PAH: variants seen among roughly 807,000 people sequenced by gnomAD.
PAH encodes the protein phenylalanine hydroxylase, also known as phenylalanine-4-hydroxylase.
Under a neutral mutation model 62.0 loss-of-function variants are expected in PAH, and 64 were observed. The observed-to-expected ratio is 1.03, with a 90% CI of 0.84 to 1.27. The LOEUF (loss-of-function observed/expected upper bound fraction) is 1.27, where lower values mean the gene tolerates loss of function less well. Among genes scored for constraint, PAH ranks in the 50% most tolerant of loss-of-function variants. The pLI is 0.00. For synonymous variants in PAH, 195 were observed against 196.2 expected, an observed-to-expected ratio of 0.99 and a Z score of 0.05; for missense variants, 579 against 542.8, an observed-to-expected ratio of 1.07 and a Z score of -0.66.
upstream of PAH, among the ~76,000 whole-genome samples, chr12:102,952,453 CAGAG>C (rs1879794459): frequency 6.6e-6 from 1 of 152,066 alleles, no homozygotes; most frequent in Non-Finnish European, 1.5e-5. Flanking sequence ...TGTGCCTAGA[CAGAG>C]AGGAGCTGGC....
Position 102,905,452 on chromosome 12 carries a change from G to A in PAH, c.168+7339C>T, listed in dbSNP as rs185503680. Among the ~76,000 whole-genome samples the A allele has an allele frequency of 3.3e-3, 497 of 152,078 alleles. 1 individual carries two copies. The highest frequency in any genetic ancestry group is 0.017 in the Middle Eastern group (5 of 294). ...TTTCAACATTCCCAGTTTAAAGATC[G>A]TTCTCTTTACAACAAAAAGAGATGC... On this transcript the variant is annotated intron_variant, in intron 2 of 12. Transcript: ENST00000553106.
chr12:102,940,990 C>G (rs964359845), intron 1 of PAH, among the ~76,000 whole-genome samples: 15 of 152,174 alleles, frequency 9.9e-5, no homozygotes, highest in African/African-American at 3.1e-4. Flanking sequence ...AGAAGCCCTA[C>G]AAACCAGAAG....
intron 2 of PAH, among the ~76,000 whole-genome samples, chr12:102,903,388 A>AAAC (rs1555208716): frequency 0.023 from 3,450 of 148,052 alleles, 140 homozygotes; most frequent in African/African-American, 0.079. Context: ...ACACACACAA[A>AAAC]AAACAAACAA....
intron 1 of PAH, among the ~76,000 whole-genome samples, chr12:102,926,151 G>A (rs187481383): frequency 6.6e-6 from 1 of 152,058 alleles, no homozygotes; most frequent in Admixed American, 6.6e-5. Flanking sequence ...AAAAAGGCAA[G>A]ATAAACTCAG....
At chr12:102,873,578 C>T (rs1015704969) in intron 4 of PAH, among the ~76,000 whole-genome samples, 1 of 152,158 alleles carries the variant, frequency 6.6e-6, no homozygotes, top group Non-Finnish European at 1.5e-5. Context: ...TTCTAGAAGT[C>T]CTCCCTAACC....
At chr12:102,913,353 T>A (rs929647089) in intron 1 of PAH, among the ~76,000 whole-genome samples, 5 of 152,138 alleles carry the variant, frequency 3.3e-5, no homozygotes, top group Non-Finnish European at 4.4e-5. Flanking sequence ...CAGAAAGACA[T>A]TGAGAAATAC....
At chr12:102,856,356 C>T (rs902603270) in intron 5 of PAH, among the ~76,000 whole-genome samples, 3 of 152,158 alleles carry the variant, frequency 2.0e-5, no homozygotes, top group Non-Finnish European at 4.4e-5. Context: ...TGGGTGGAGC[C>T]CACCACAGCT....
At position 102,917,087 on chromosome 12, in the gene PAH, A is replaced by G. The variant is rs1319374413; in HGVS notation, c.44T>C (p.Leu15Pro). 1.9e-6 allele frequency: 3 copies of G among 1,614,072 alleles called. No individual in the cohort carries two copies. In the African/African-American group the frequency reaches 4.0e-5, roughly 22 times the overall value. ...VLENPGLGRK[L>P]SDFGQETSYI... ...GTGGCTCACCTGTCCAAAGTCAGAG[A>G]GTTTCCTGCCCAAGCCTGGGTTTTC... The change falls in exon 1 of 13, where the codon CTC becomes CCC. Residue 15 changes from leucine to proline, a missense_variant. Leu to Pro is a moderately conservative substitution (Grantham distance 98, BLOSUM62 -3). Coordinates refer to ENST00000553106, the MANE Select transcript of PAH (RefSeq NM_000277.3).
chr12:102,945,922 A>T (rs974889100), intron 1 of PAH: 1 of 152,212 alleles, frequency 6.6e-6, no homozygotes, highest in Non-Finnish European at 1.5e-5. Flanking sequence ...CCTGAAGCCA[A>T]GGCCCATGGA....
chr12:102,939,560 A>G (rs1289434619), intron 1 of PAH, among the ~76,000 whole-genome samples: 2 of 152,060 alleles, frequency 1.3e-5, no homozygotes, highest in Non-Finnish European at 2.9e-5. Context: ...TGGGGAGTGA[A>G]CAAAGACCCT....
intron 1 of PAH, among the ~76,000 whole-genome samples, chr12:102,940,335 T>C (rs1363070126): frequency 6.6e-6 from 1 of 152,200 alleles, no homozygotes; most frequent in Admixed American, 6.5e-5. Context: ...ATGAAATGAC[T>C]GAAATGACAG....
chr12:102,844,506 A>T lies in PAH; in HGVS notation c.970-75T>A, dbSNP rs534393739. The T allele has an allele frequency of 4.3e-6, 4 of 933,118 alleles. No homozygotes were observed. In the South Asian group the frequency reaches 5.4e-5, roughly 13 times the overall value. 57.8% of individuals were successfully genotyped at this position (933,118 alleles called of 1,614,324 possible). Reference sequence around the variant, plus strand: ...TGTGTCACCTTGACTGGATGAAGGGATACCTGAATAGATAGTAAAGCATTA... The same window carrying T: ...TGTGTCACCTTGACTGGATGAAGGGTTACCTGAATAGATAGTAAAGCATTA... On this transcript the variant is annotated intron_variant, in intron 9 of 12. Transcript: ENST00000553106.
intron 3 of PAH, among the ~76,000 whole-genome samples, chr12:102,883,342 G>T (rs1876899787): frequency 6.6e-6 from 1 of 152,046 alleles, no homozygotes; most frequent in South Asian, 2.1e-4. Flanking sequence ...CTCAGTCAGG[G>T]TGCACCACCT....
intron 3 of PAH, among the ~76,000 whole-genome samples, chr12:102,890,643 T>C (rs1877238361): frequency 6.6e-6 from 1 of 152,200 alleles, no homozygotes; most frequent in Admixed American, 6.5e-5. Context: ...TTTTCTTCCC[T>C]AGGGAAAATG....
chr12:102,858,521 A>G (rs1347037511), intron 5 of PAH, among the ~76,000 whole-genome samples: 1 of 152,176 alleles, frequency 6.6e-6, no homozygotes, highest in African/African-American at 2.4e-5. Context: ...AACAGAATAT[A>G]CATTCTTCTC....
chr12:102,911,231 C>T (rs1878190475), intron 2 of PAH, among the ~76,000 whole-genome samples: 1 of 152,114 alleles, frequency 6.6e-6, no homozygotes, highest in South Asian at 2.1e-4. Flanking sequence ...CATAACAGGA[C>T]ATGAGAGAGA....
At chr12:102,925,646 C>A (rs1878664291) in intron 1 of PAH, among the ~76,000 whole-genome samples, 1 of 152,138 alleles carries the variant, frequency 6.6e-6, no homozygotes, top group African/African-American at 2.4e-5. Flanking sequence ...GACTCACGAA[C>A]TTCTTCAGAA....
At chr12:102,870,033 T>C (rs2136669415) in intron 4 of PAH, among the ~76,000 whole-genome samples, 1 of 150,476 alleles carries the variant, frequency 6.6e-6, no homozygotes, top group African/African-American at 2.4e-5. Context: ...GGTGAAGGAG[T>C]GGTGAGGGGG....
chr12:102,953,295 T>C (rs1879822994), upstream of PAH: 1 of 152,208 alleles, frequency 6.6e-6, no homozygotes, highest in African/African-American at 2.4e-5. Flanking sequence ...TAACTAAAGT[T>C]AAAAATATAA....
Sources: gnomAD v4.1 joint callset for allele counts (sites outside exome capture counted in the v4.1 genomes callset) on GRCh38, gnomAD v4.1.1 for gene constraint, MANE v1.5 for transcripts, NCBI Gene and HGNC (gene_info 2026-07-23, HGNC 2026-07-21) for gene names.